CTNNA3: variants seen among roughly 807,000 people sequenced by gnomAD.
CTNNA3 encodes catenin alpha-3.
In CTNNA3, 76 loss-of-function variants were observed where a neutral mutation model predicts 95.7. The observed-to-expected ratio is 0.79, with a 90% CI of 0.66 to 0.96. The LOEUF (loss-of-function observed/expected upper bound fraction) is 0.96, where lower values mean the gene tolerates loss of function less well. Among genes scored for constraint, CTNNA3 ranks in the 40% least tolerant of loss-of-function variants. The pLI, the probability that CTNNA3 is intolerant of heterozygous loss-of-function variation, is 0.00. For missense variants in CTNNA3, 1,191 were observed against 1,089.8 expected (o/e 1.09, Z -1.31); for synonymous variants, 431 against 374.4 (o/e 1.15, Z -1.74).
At chr10:67,389,419 G>C (rs1415762273) in intron 5 of CTNNA3, among the ~76,000 whole-genome samples, 1 of 151,040 alleles carries the variant, frequency 6.6e-6, no homozygotes, top group Non-Finnish European at 1.5e-5. Flanking sequence ...AGCAAGTCCT[G>C]AGTGACCTAC....
At chr10:67,026,443 TA>T (rs1385693626) in intron 7 of CTNNA3, among the ~76,000 whole-genome samples, 2 of 151,854 alleles carry the variant, frequency 1.3e-5, no homozygotes, top group Admixed American at 6.6e-5. Context: ...CTATTTAAAA[TA>T]AAAACAAAAT....
At chr10:67,530,424 C>G (rs1840291456) in intron 4 of CTNNA3, among the ~76,000 whole-genome samples, 1 of 152,158 alleles carries the variant, frequency 6.6e-6, no homozygotes, top group African/African-American at 2.4e-5. Context: ...GGAACTGGAG[C>G]AAAGGTGACT....
intron 7 of CTNNA3, among the ~76,000 whole-genome samples, chr10:67,087,654 T>C (rs1857381087): frequency 6.6e-6 from 1 of 151,966 alleles, no homozygotes; most frequent in Non-Finnish European, 1.5e-5. Flanking sequence ...TCATCATTAG[T>C]GTGGATTTCT....
intron 13 of CTNNA3, among the ~76,000 whole-genome samples, chr10:66,227,657 G>C (rs2089379225): frequency 6.6e-6 from 1 of 152,072 alleles, no homozygotes; most frequent in African/African-American, 2.4e-5. Context: ...TCCTTGTCTG[G>C]TTTTGGTATC....
chr10:66,774,633 A>C (rs1199179820), intron 8 of CTNNA3, among the ~76,000 whole-genome samples: 1 of 152,186 alleles, frequency 6.6e-6, no homozygotes, highest in Non-Finnish European at 1.5e-5. Context: ...AAATCTTGCC[A>C]TTAAACTACG....
chr10:66,348,647 G>A (rs1483566123), intron 12 of CTNNA3, among the ~76,000 whole-genome samples: 1 of 152,048 alleles, frequency 6.6e-6, no homozygotes, highest in Non-Finnish European at 1.5e-5. Flanking sequence ...TATACAAAAA[G>A]AGACATACAT....
intron 5 of CTNNA3, among the ~76,000 whole-genome samples, chr10:67,314,728 C>A (rs1368529456): frequency 6.6e-6 from 1 of 152,158 alleles, no homozygotes; most frequent in Non-Finnish European, 1.5e-5. Flanking sequence ...ACATAGGAAG[C>A]ATTATGGCAT....
At chr10:66,535,196 GT>G (rs992795308) in intron 10 of CTNNA3, among the ~76,000 whole-genome samples, 33 of 152,128 alleles carry the variant, frequency 2.2e-4, no homozygotes, top group South Asian at 1.7e-3. Context: ...TACAAAATGA[GT>G]TAGTTGATAG....
intron 1 of CTNNA3, among the ~76,000 whole-genome samples, chr10:67,692,133 GC>G (rs1434810239): frequency 6.7e-6 from 1 of 149,752 alleles, no homozygotes; most frequent in Non-Finnish European, 1.5e-5. Flanking sequence ...TCAGCCCCCT[GC>G]CCGGCCAGCC....
At chr10:67,162,485 A>G (rs1861595595) in intron 7 of CTNNA3, among the ~76,000 whole-genome samples, 1 of 151,978 alleles carries the variant, frequency 6.6e-6, no homozygotes. Flanking sequence ...ATTGAAAGAC[A>G]ACAGGAAAAT....
intron 15 of CTNNA3, among the ~76,000 whole-genome samples, chr10:66,008,246 A>G (rs541181857): frequency 6.6e-6 from 1 of 152,336 alleles, no homozygotes; most frequent in South Asian, 2.1e-4. Context: ...CAGGGAGGTT[A>G]CTCTGAATAT....
intron 9 of CTNNA3, among the ~76,000 whole-genome samples, chr10:66,668,960 C>A (rs1247987078): frequency 6.6e-6 from 1 of 151,870 alleles, no homozygotes; most frequent in Non-Finnish European, 1.5e-5. Flanking sequence ...TCTAAATGAG[C>A]CATTTGTGTG....
chr10:66,583,393 T>A (rs1410592143), intron 10 of CTNNA3, among the ~76,000 whole-genome samples: 1 of 151,730 alleles, frequency 6.6e-6, no homozygotes, highest in African/African-American at 2.4e-5. Flanking sequence ...TTCTAGTTCT[T>A]CCTGATTCAA....
chr10:67,036,979 A>G lies in CTNNA3; in HGVS notation c.1047+143338T>C, dbSNP rs1275234645. On this transcript the variant is annotated intron_variant, in intron 7 of 17. Coordinates refer to ENST00000433211, the MANE Select transcript of CTNNA3 (RefSeq NM_013266.4). ...GTTGACAACCCAAAGGGAGTGACTC[A>G]TTCATCTATTTGAGATGCAGGCGAT... Among the ~76,000 whole-genome samples, 5 of 152,310 alleles carry G rather than the reference A, an allele frequency of 3.3e-5. No homozygotes were observed. The East Asian group carries it at 9.7e-4, about 29-fold the overall frequency.
chr10:66,288,632 A>G (rs1265510261), intron 12 of CTNNA3, among the ~76,000 whole-genome samples: 1 of 152,140 alleles, frequency 6.6e-6, no homozygotes, highest in African/African-American at 2.4e-5. Context: ...ACATATGGCT[A>G]CCATATTAGA....
In CTNNA3 at chr10:67,005,692, T is replaced by TTTTGTTTTGTTTTG. The variant is rs1554895973; in HGVS notation, c.1047+174624_1047+174625insCAAAACAAAACAAA. On this transcript the variant is annotated intron_variant, in intron 7 of 17. Coordinates refer to ENST00000433211, the MANE Select transcript of CTNNA3 (RefSeq NM_013266.4). Reference sequence around the variant, plus strand: ...TTTATTTTACTCCATCTTTTTTTTTTTTTTTTTTTTTGAGACGGAGTCTTG... The same window carrying TTTTGTTTTGTTTTG: ...TTTATTTTACTCCATCTTTTTTTTTTTTTGTTTTGTTTTGTTTTTTTTTTTGAGACGGAGTCTTG... Among the ~76,000 whole-genome samples, 11 of 123,098 alleles carry TTTTGTTTTGTTTTG rather than the reference T, an allele frequency of 8.9e-5. 2 individuals are homozygous for TTTTGTTTTGTTTTG. Among genetic ancestry groups the TTTTGTTTTGTTTTG allele is most frequent in the African/African-American group, 3.1e-4 (11 of 35,740 alleles). 80.8% of individuals were successfully genotyped at this position (123,098 alleles called of 152,430 possible).
rs549765362 is a variant in CTNNA3, at chr10:66,850,784, A to C, written c.1048-75260T>G. On this transcript the variant is annotated intron_variant, in intron 7 of 17. Transcript: ENST00000433211. ...TTAAGGAGCTCAGACCATTGCAAAA[A>C]TAAATCTTGCTTTCTCATTTAGTTT... Among the ~76,000 whole-genome samples, 80 of 152,242 alleles carry C rather than the reference A, an allele frequency of 5.3e-4. 2 individuals carry two copies. In the South Asian group the frequency reaches 7.7e-3, roughly 15 times the overall value.
intron 9 of CTNNA3, among the ~76,000 whole-genome samples, chr10:66,757,934 T>C (rs1839433655): frequency 6.6e-6 from 1 of 152,280 alleles, no homozygotes; most frequent in East Asian, 1.9e-4. Context: ...ATCTCCATCA[T>C]TGTGAGCATT....
intron 17 of CTNNA3, among the ~76,000 whole-genome samples, chr10:65,921,120 T>C (rs2133108656): frequency 6.6e-6 from 1 of 152,334 alleles, no homozygotes; most frequent in South Asian, 2.1e-4. Flanking sequence ...ATGGTTTCAG[T>C]TTAACAACGG....
Sources: allele counts gnomAD v4.1 joint callset (sites outside exome capture counted in the v4.1 genomes callset), GRCh38; gene constraint gnomAD v4.1.1; transcripts MANE v1.5; gene names NCBI Gene and HGNC (gene_info 2026-07-23, HGNC 2026-07-21).